The following SDK1 variants were observed in gnomAD, a reference collection of about 807,000 sequenced individuals.
SDK1 encodes the protein protein sidekick-1.
Under a neutral mutation model 245.5 loss-of-function variants are expected in SDK1, and 157 were observed. The observed-to-expected ratio is 0.64, with a 90% CI of 0.56 to 0.73. The LOEUF (loss-of-function observed/expected upper bound fraction) is 0.73. SDK1 is among the 30% of genes least tolerant of loss of function. The probability of loss-of-function intolerance (pLI) is 0.00; values close to 1 mark genes in which losing one functional copy is unlikely to be tolerated. For synonymous variants in SDK1, 1,647 were observed against 1,278.5 expected (o/e 1.29, Z -6.15); for missense variants, 3,583 against 3,002.3 (o/e 1.19, Z -4.52).
chr7:4,210,263 G>T (rs1784445579), intron 38 of SDK1, 101 bp downstream of exon 38: 1 of 1,210,484 alleles, frequency 8.3e-7, no homozygotes, highest in Non-Finnish European at 1.1e-6. Context: ...TGTGGGCCAG[G>T]AGCCTTCTGG....
At chr7:3,571,850 C>T (rs1039120959) in intron 1 of SDK1, among the ~76,000 whole-genome samples, 1 of 151,994 alleles carries the variant, frequency 6.6e-6, no homozygotes, top group Non-Finnish European at 1.5e-5. Flanking sequence ...TGAATTAAAT[C>T]TGCTATCTGT....
intron 1 of SDK1, among the ~76,000 whole-genome samples, chr7:3,489,362 T>A (rs1356481643): frequency 6.6e-6 from 1 of 152,236 alleles, no homozygotes; most frequent in Non-Finnish European, 1.5e-5. Flanking sequence ...ATTGTGGAAA[T>A]TTTCCGGTGA....
intron 4 of SDK1, among the ~76,000 whole-genome samples, chr7:3,652,194 C>A (rs148857993): frequency 3.9e-5 from 6 of 152,162 alleles, no homozygotes; most frequent in Non-Finnish European, 8.8e-5. Context: ...GCAGAGAAAC[C>A]GCGCGTGTCT....
intron 25 of SDK1, 67 bp downstream of exon 25, chr7:4,114,341 TC>T: frequency 7.9e-7 from 1 of 1,269,082 alleles, no homozygotes; most frequent in Non-Finnish European, 1.1e-6. Flanking sequence ...CCCCTGAGCC[TC>T]CAGATCCCAG....
At chr7:4,035,126 G>A (rs1274372685) in intron 17 of SDK1, among the ~76,000 whole-genome samples, 1 of 151,708 alleles carries the variant, frequency 6.6e-6, no homozygotes, top group Non-Finnish European at 1.5e-5. Context: ...TTACAAGCAC[G>A]TACCACCATG....
At chr7:3,612,242 A>T (rs1346778505) in intron 1 of SDK1, among the ~76,000 whole-genome samples, 1 of 152,194 alleles carries the variant, frequency 6.6e-6, no homozygotes, top group Non-Finnish European at 1.5e-5. Flanking sequence ...CTATGGAAAT[A>T]AAAAAATTAA....
intron 4 of SDK1, among the ~76,000 whole-genome samples, chr7:3,685,120 C>G (rs1024281733): frequency 1.3e-5 from 2 of 151,850 alleles, no homozygotes; most frequent in Non-Finnish European, 2.9e-5. Context: ...AAGCCTAAAC[C>G]TATAAATTCG....
rs1298977828 is a variant in SDK1, at chr7:3,535,893, T to C, written c.299-83187T>C. The stretch of plus-strand genomic sequence containing the variant: ...TATCCAGGCACTATATCATTTTTTC[T>C]CACATCTTAGAAATGCTTTTATGTA... On this transcript the variant is annotated intron_variant, in intron 1 of 44. Transcript: ENST00000404826. Among the ~76,000 whole-genome samples the C allele has an allele frequency of 2.6e-5, 4 of 152,178 alleles. No individual in the cohort carries two copies. In the East Asian group the frequency reaches 7.7e-4, roughly 29 times the overall value.
At chr7:4,256,801 C>T (rs960949672) in intron 44 of SDK1, among the ~76,000 whole-genome samples, 3 of 152,152 alleles carry the variant, frequency 2.0e-5, no homozygotes, top group African/African-American at 7.2e-5. Context: ...GTGGTCTCTG[C>T]TAGAAAAACT....
At chr7:4,230,565 A>C (rs1785695933) in intron 40 of SDK1, among the ~76,000 whole-genome samples, 1 of 151,500 alleles carries the variant, frequency 6.6e-6, no homozygotes, top group South Asian at 2.1e-4. Flanking sequence ...GATAGAAGGA[A>C]GGATGAATGG....
At chr7:3,877,483 T>C (rs78792927) in intron 5 of SDK1, among the ~76,000 whole-genome samples, 110 of 152,290 alleles carry the variant, frequency 7.2e-4, no homozygotes, top group African/African-American at 2.6e-3. Context: ...TCACATCTTT[T>C]TGGGGATTAG....
chr7:4,173,662 C>G (rs1005517156), intron 32 of SDK1, among the ~76,000 whole-genome samples: 2 of 152,174 alleles, frequency 1.3e-5, no homozygotes, highest in African/African-American at 4.8e-5. Flanking sequence ...ATCACCGGAC[C>G]GCAAGATGAT....
At chr7:4,101,669 G>A (rs1044138756) in intron 22 of SDK1, among the ~76,000 whole-genome samples, 18 of 152,156 alleles carry the variant, frequency 1.2e-4, no homozygotes, top group South Asian at 4.1e-4. Flanking sequence ...TTCCACAGGC[G>A]GAGCCCGTCT....
intron 1 of SDK1, among the ~76,000 whole-genome samples, chr7:3,341,199 A>G (rs186234819): frequency 1.3e-5 from 2 of 152,354 alleles, no homozygotes; most frequent in South Asian, 2.1e-4. Flanking sequence ...CCAGCCATGC[A>G]AGACTGGTTC....
At chr7:3,700,879 G>C (rs1041345749) in intron 4 of SDK1, among the ~76,000 whole-genome samples, 6 of 151,938 alleles carry the variant, frequency 3.9e-5, no homozygotes, top group African/African-American at 1.5e-4. Flanking sequence ...GCTTCCGTCA[G>C]CTATTCCTTA....
At chr7:4,249,620 A>G (rs1455520735) in intron 44 of SDK1, among the ~76,000 whole-genome samples, 3 of 152,146 alleles carry the variant, frequency 2.0e-5, no homozygotes, top group Middle Eastern at 3.2e-3. Context: ...CCAGCTAAGA[A>G]TCCCCACACC....
chr7:3,388,847 G>A (rs1222832592), intron 1 of SDK1, among the ~76,000 whole-genome samples: 6 of 152,284 alleles, frequency 3.9e-5, no homozygotes, highest in South Asian at 4.1e-4. Context: ...TGATGCTAGA[G>A]TATACAGATG....
In SDK1 at chr7:4,205,868, T is replaced by G. The variant is rs1448093678; in HGVS notation, c.5099-11T>G. On this transcript the variant is annotated splice_polypyrimidine_tract_variant and intron_variant, in intron 35 of 44. Coordinates refer to ENST00000404826, the MANE Select transcript of SDK1 (RefSeq NM_152744.4). ...ACGTCTCAGCTTCTCTCCGCATTGCTCTTTCCTCAGCCCCGGCCATGGCCC... is the reference window on the plus strand; with the variant it reads ...ACGTCTCAGCTTCTCTCCGCATTGCGCTTTCCTCAGCCCCGGCCATGGCCC... 2 of 1,549,594 alleles carry G rather than the reference T, an allele frequency of 1.3e-6. No homozygotes were observed. Among genetic ancestry groups the G allele is most frequent in the Non-Finnish European group, 8.7e-7 (1 of 1,145,224 alleles).
intron 1 of SDK1, among the ~76,000 whole-genome samples, chr7:3,440,801 A>T (rs544653902): frequency 2.5e-4 from 38 of 152,318 alleles, no homozygotes; most frequent in African/African-American, 9.1e-4. Context: ...CAAACTGCAA[A>T]AGTTATGGCC....
Sources: allele counts gnomAD v4.1 joint callset (sites outside exome capture counted in the v4.1 genomes callset), GRCh38; gene constraint gnomAD v4.1.1; transcripts MANE v1.5; gene names NCBI Gene and HGNC (gene_info 2026-07-23, HGNC 2026-07-21).